The following SUN2 variants were observed in gnomAD, a reference collection of about 807,000 sequenced individuals.
SUN2 encodes Sad1 and UNC84 domain containing 2.
Under a neutral mutation model 100.0 loss-of-function variants are expected in SUN2, and 60 were observed. The observed-to-expected ratio is 0.60, with a 90% CI of 0.49 to 0.74. SUN2 has a LOEUF of 0.74. Ranked by LOEUF, SUN2 falls within the 30% of genes least tolerant of loss-of-function variation. The pLI is 0.00. For synonymous variants in SUN2, 367 were observed against 403.3 expected (o/e 0.91, Z 1.08); for missense variants, 834 against 954.6 (o/e 0.87, Z 1.66).
At chr22:38,744,922 T>G (rs1451427295) in intron 8 of SUN2, among the ~76,000 whole-genome samples, 3 of 152,216 alleles carry the variant, frequency 2.0e-5, no homozygotes, top group African/African-American at 7.2e-5. Flanking sequence ...TCTGGCAGAT[T>G]ATAAAAATGG....
intron 2 of SUN2, 103 bp from the exon 3 acceptor site, chr22:38,751,476 G>C: frequency 1.5e-6 from 2 of 1,337,996 alleles, no homozygotes; most frequent in Non-Finnish European, 2.1e-6. Flanking sequence ...TGCAGGGTGT[G>C]GGTTCCCTTG....
At chr22:38,751,125 C>A (rs537698217) in intron 3 of SUN2, 85 bp downstream of exon 3, 8 of 1,609,310 alleles carry the variant, frequency 5.0e-6, no homozygotes, top group Admixed American at 3.3e-5. Context: ...AGGAGGGAAT[C>A]CCGGGGACTG....
intron 7 of SUN2, among the ~76,000 whole-genome samples, chr22:38,747,735 G>C (rs2092914933): frequency 2.0e-5 from 3 of 152,110 alleles, no homozygotes. Context: ...TTGAGGTCAG[G>C]AGTTTGAGAC....
Position 38,755,205 on chromosome 22 carries a change from A to C in SUN2, c.-38+558T>G. On this transcript the variant is annotated intron_variant, in intron 1 of 17. Transcript: ENST00000689035. This position sits in a 1 kb window ranked among gnomAD's most constrained non-coding sequence, Gnocchi z 5.7. ...CACTCCCTGGGCACAGCCAGGCCAC[A>C]CGCCCTTGTGGGACCTGCCAAACGC... 8.5e-7 allele frequency: 1 copy of C among 1,179,008 alleles called. No homozygotes were observed. The highest frequency in any genetic ancestry group is 1.1e-6 in the Non-Finnish European group (1 of 934,774). 73.0% of individuals were successfully genotyped at this position (1,179,008 alleles called of 1,614,324 possible).
Position 38,755,386 on chromosome 22 carries a change from C to T in SUN2, c.-38+377G>A. The T allele has an allele frequency of 2.0e-6, 2 of 1,009,890 alleles. No individual in the cohort carries two copies. The highest frequency in any genetic ancestry group is 7.5e-5 in the South Asian group (2 of 26,566). The allele number at this position is 1,009,890 out of a possible 1,614,324, so 62.6% of individuals were successfully genotyped here. ...AACAAAACGGGCCTTCCTCTGAGGC[C>T]CTGAGTTCTGACAGGCAGAGGCTGG... On this transcript the variant is annotated intron_variant, in intron 1 of 17. Transcript: ENST00000689035. The surrounding 1 kb of genome is among the most constrained non-coding windows in gnomAD (Gnocchi z 5.7).
rs143617240 is a variant in SUN2 at position 38,748,741 on chromosome 22, C to T, written c.657G>A (p.Pro219=). The stretch of plus-strand genomic sequence containing the variant: ...ACGTCAGGCACGTCAGCAAGAGCAG[C>T]GGCAGCAGGAACCAGAGGAACGTCT... ...SLKTFLWFLL[P]LLLLTCLTYG... is the part of the protein sequence containing the mutation. Residue 219 remains proline (P), a synonymous_variant, in exon 7 of 18, where the codon CCG becomes CCA. Transcript: ENST00000689035. 693 of 1,614,048 alleles carry T rather than the reference C, an allele frequency of 4.3e-4. No homozygotes were observed. Among genetic ancestry groups the T allele is most frequent in the Non-Finnish European group, 5.5e-4 (651 of 1,180,040 alleles).
chr22:38,745,110 A>C (rs2092892312), intron 8 of SUN2: 1 of 471,074 alleles, frequency 2.1e-6, no homozygotes, highest in African/African-American at 2.0e-5. Flanking sequence ...AAGGCCTCAA[A>C]GGTCTGGTTG....
At position 38,741,123 on chromosome 22, in the gene SUN2, T is replaced by C. The variant is rs371921654; in HGVS notation, c.1147-73A>G. The C allele has an allele frequency of 1.9e-4, 281 of 1,505,558 alleles. No homozygotes were observed. In the African/African-American group the frequency reaches 3.5e-3, roughly 19 times the overall value. 93.3% of individuals were successfully genotyped at this position (1,505,558 alleles called of 1,614,324 possible). Reference sequence around the variant, plus strand: ...TGGTGTTCCAGAGTAGGATCTGCTGTCTGTTAGCGTCTTTGCTTAACCACA... The same window carrying C: ...TGGTGTTCCAGAGTAGGATCTGCTGCCTGTTAGCGTCTTTGCTTAACCACA... On this transcript the variant is annotated intron_variant, in intron 10 of 17. Coordinates refer to ENST00000689035, the MANE Select transcript of SUN2 (RefSeq NM_015374.3).
chr22:38,751,389 G>A lies in SUN2; in HGVS notation c.123-16C>T. The stretch of plus-strand genomic sequence containing the variant: ...CTTCAAGGTCCTGTGGGACAACCAT[G>A]AGGGCAGAGGTAGGGAGCAGGGAGG... On this transcript the variant is annotated splice_polypyrimidine_tract_variant and intron_variant, in intron 2 of 17. Transcript: ENST00000689035. 3.1e-6 allele frequency: 5 copies of A among 1,612,640 alleles called. No individual in the cohort carries two copies. The highest frequency in any genetic ancestry group is 4.2e-6 in the Non-Finnish European group (5 of 1,179,910).
At chr22:38,746,023 C>T (rs2092901139) in intron 7 of SUN2, among the ~76,000 whole-genome samples, 1 of 152,214 alleles carries the variant, frequency 6.6e-6, no homozygotes, top group Non-Finnish European at 1.5e-5. Flanking sequence ...TTCTCACACC[C>T]CCACGGGAAT....
chr22:38,735,562 G>A lies in SUN2; in HGVS notation c.*705C>T, dbSNP rs1000600280. On this transcript the variant is annotated 3_prime_UTR_variant, in exon 18 of 18. Transcript: ENST00000689035. ...ATCAGGAGAGAGAAAAGCAACTACC[G>A]TCCCCAGCAGAGGGGAAGCCTACAG... The A allele has an allele frequency of 5.3e-5, 12 of 227,642 alleles. No individual in the cohort carries two copies. Among genetic ancestry groups the A allele is most frequent in the Admixed American group, 4.2e-4 (8 of 18,890 alleles). 14.1% of individuals were successfully genotyped at this position (227,642 alleles called of 1,614,324 possible). A position where few individuals can be genotyped will look rare whatever the true frequency, so the allele number is the denominator to read the frequency against.
chr22:38,738,444 G>T lies in SUN2; in HGVS notation c.1947+143C>A. ...AGCCTAAGGTAACAGGGACTGAAGT[G>T]CTGTCTCCCACCCTAGCTCCTCCTC... On this transcript the variant is annotated intron_variant, in intron 16 of 17. Coordinates refer to ENST00000689035, the MANE Select transcript of SUN2 (RefSeq NM_015374.3). The surrounding 1 kb of genome is among the most constrained non-coding windows in gnomAD (Gnocchi z 6.6). 2 of 1,213,234 alleles carry T rather than the reference G, an allele frequency of 1.6e-6. No individual in the cohort carries two copies. Among genetic ancestry groups the T allele is most frequent in the Non-Finnish European group, 2.3e-6 (2 of 856,776 alleles). The allele number at this position is 1,213,234 out of a possible 1,614,324, so 75.2% of individuals were successfully genotyped here. A position where few individuals can be genotyped will look rare whatever the true frequency, so the allele number is the denominator to read the frequency against.
At position 38,755,510 on chromosome 22, in the gene SUN2, G is replaced by A. The variant is rs928195777; in HGVS notation, c.-38+253C>T. 9.1e-6 allele frequency: 9 copies of A among 986,024 alleles called. No individual in the cohort carries two copies. The African/African-American group carries it at 1.6e-4, about 17-fold the overall frequency. The allele number at this position is 986,024 out of a possible 1,614,324, so 61.1% of individuals were successfully genotyped here. On this transcript the variant is annotated intron_variant, in intron 1 of 17. Coordinates refer to ENST00000689035, the MANE Select transcript of SUN2 (RefSeq NM_015374.3). This position sits in a 1 kb window ranked among gnomAD's most constrained non-coding sequence, Gnocchi z 5.7. ...TCGGCCTTTGCCCTCCTCCTCCCGG[G>A]AGGCTGCCCGGGAAGTCCCGCCCGC... is the stretch of plus-strand genomic sequence containing the variant.
At chr22:38,749,059 G>A (rs1370644482) in intron 6 of SUN2, 5 of 430,360 alleles carry the variant, frequency 1.2e-5, no homozygotes, top group Non-Finnish European at 2.1e-5. Context: ...ATTTTTATAT[G>A]GACAGGTCCT....
rs755129553 is a variant in SUN2 at position 38,741,393 on chromosome 22, C to A, written c.1146+101G>T. Reference sequence around the variant, plus strand: ...GGAGGGCACTCCCCTCCCCATGCAACACCCAAACAGTCCCTTTGGAAGGGC... The same window carrying A: ...GGAGGGCACTCCCCTCCCCATGCAAAACCCAAACAGTCCCTTTGGAAGGGC... On this transcript the variant is annotated intron_variant, in intron 10 of 17. Transcript: ENST00000689035. The A allele has an allele frequency of 8.8e-6, 11 of 1,245,692 alleles. 1 individual carries two copies. The highest frequency in any genetic ancestry group is 1.3e-5 in the Non-Finnish European group (11 of 864,508). 77.2% of individuals were successfully genotyped at this position (1,245,692 alleles called of 1,614,324 possible).
chr22:38,750,114 C>T, intron 5 of SUN2, 111 bp downstream of exon 5: 4 of 1,475,982 alleles, frequency 2.7e-6, no homozygotes, highest in Non-Finnish European at 3.6e-6. Flanking sequence ...ATGACCTTTC[C>T]CCAATGGTCC....
chr22:38,747,413 T>C (rs2092912828), intron 7 of SUN2, among the ~76,000 whole-genome samples: 1 of 152,178 alleles, frequency 6.6e-6, no homozygotes, highest in African/African-American at 2.4e-5. Context: ...CCAGCTGTTC[T>C]TGTAGCAGCA....
Position 38,739,693 on chromosome 22 carries a change from G to A in SUN2, c.1578+29C>T, listed in dbSNP as rs751213197. The A allele has an allele frequency of 6.2e-7, 1 of 1,605,576 alleles. No individual in the cohort carries two copies. Among genetic ancestry groups the A allele is most frequent in the Non-Finnish European group, 8.5e-7 (1 of 1,174,186 alleles). Reference sequence around the variant, plus strand: ...TCCCAGGGAGGAGAGCTGTGGGTGGGTGTGTGGAGAGGGGCATGTGGGCCT... The same window carrying A: ...TCCCAGGGAGGAGAGCTGTGGGTGGATGTGTGGAGAGGGGCATGTGGGCCT... On this transcript the variant is annotated intron_variant, in intron 13 of 17. Transcript: ENST00000689035. The surrounding 1 kb of genome is among the most constrained non-coding windows in gnomAD (Gnocchi z 6.7).
rs2092955331 is a variant in SUN2, at chr22:38,752,623, G to A, written c.6C>T (p.Ser2=). 5.0e-6 allele frequency: 8 copies of A among 1,613,602 alleles called. No homozygotes were observed. The East Asian group carries it at 1.8e-4, about 36-fold the overall frequency. The change falls in exon 2 of 18, where the codon TCC becomes TCT. Residue 2 remains serine (S), a synonymous_variant. Transcript: ENST00000689035. M[S]RRSQRLTRYS... is the part of the protein sequence containing the mutation. ...AGCGCGTGAGGCGCTGGCTTCTTCGGGACATGATGAGGTGGGATGTGGACT... is the reference window on the plus strand; with the variant it reads ...AGCGCGTGAGGCGCTGGCTTCTTCGAGACATGATGAGGTGGGATGTGGACT...
Sources: allele counts gnomAD v4.1 joint callset (sites outside exome capture counted in the v4.1 genomes callset), GRCh38; gene constraint gnomAD v4.1.1; non-coding constraint Gnocchi (gnomAD v3.1); transcripts MANE v1.5; gene names NCBI Gene and HGNC (gene_info 2026-07-23, HGNC 2026-07-21).